Variants in TSPAN19 observed in about 807,000 individuals in gnomAD.
TSPAN19 encodes the protein tetraspanin 19, also known as tetraspanin-19.
A neutral mutation model predicts 35.1 loss-of-function variants in TSPAN19; 44 were observed. That is an observed-to-expected ratio of 1.25 (90% CI 0.98 to 1.61). The LOEUF is 1.61. Among genes scored for constraint, TSPAN19 ranks in the 40% most tolerant of loss-of-function variants. TSPAN19 has a pLI of 0.00. For missense variants in TSPAN19, 290 were observed against 280.0 expected (o/e 1.04, Z -0.26); for synonymous variants, 79 against 92.0 (o/e 0.86, Z 0.81).
At chr12:85,032,595 C>T (rs1186262212) in intron 1 of TSPAN19, among the ~76,000 whole-genome samples, 1 of 152,010 alleles carries the variant, frequency 6.6e-6, no homozygotes, top group African/African-American at 2.4e-5. Flanking sequence ...ATCCAAGCAA[C>T]GATTCAAAGA....
In TSPAN19 at chr12:85,029,965, T is replaced by C. The variant is rs7962577; in HGVS notation, c.-19A>G. 0.51 allele frequency: 717,416 copies of C among 1,409,806 alleles called. 188,303 individuals are homozygous for C. Among genetic ancestry groups the C allele is most frequent in the African/African-American group, 0.82 (55,865 of 68,128 alleles). The allele number at this position is 1,409,806 out of a possible 1,614,324, so 87.3% of individuals were successfully genotyped here. On this transcript the variant is annotated 5_prime_UTR_variant, in exon 2 of 9. Transcript: ENST00000532498. ...TTAACATTCTTTTTCTTCCAAGATATTGATGATTCTGAAAAGACAACCATA... is the reference window on the plus strand; with the variant it reads ...TTAACATTCTTTTTCTTCCAAGATACTGATGATTCTGAAAAGACAACCATA...
At chr12:85,031,522 A>G (rs1377887325) in intron 1 of TSPAN19, among the ~76,000 whole-genome samples, 19 of 152,218 alleles carry the variant, frequency 1.2e-4, no homozygotes. Context: ...TTGAGTGTTG[A>G]TGTGGTAATA....
At chr12:85,028,106 T>C in intron 3 of TSPAN19, 83 bp from the exon 4 acceptor site, 1 of 1,192,110 alleles carries the variant, frequency 8.4e-7, no homozygotes, top group Non-Finnish European at 1.1e-6. Flanking sequence ...TAAGAATAAT[T>C]GCAGCAATCA....
At chr12:85,023,305 A>G (rs1877218882) in intron 5 of TSPAN19, 21 bp downstream of exon 5, 1 of 1,554,260 alleles carries the variant, frequency 6.4e-7, no homozygotes. Flanking sequence ...GGATGTATTG[A>G]AAAGGATTTA....
intron 1 of TSPAN19, among the ~76,000 whole-genome samples, chr12:85,035,530 A>G (rs1227972898): frequency 9.2e-5 from 14 of 152,118 alleles, no homozygotes; most frequent in Admixed American, 9.2e-4. Flanking sequence ...TATTGTTACC[A>G]GGAAATGTAG....
intron 4 of TSPAN19, among the ~76,000 whole-genome samples, chr12:85,023,911 C>T (rs73379716): frequency 0.017 from 2,602 of 151,952 alleles, 69 homozygotes; most frequent in African/African-American, 0.058. Flanking sequence ...ATTTATTAGA[C>T]TATTTAATTT....
intron 1 of TSPAN19, chr12:85,035,030 A>T (rs1877887876): frequency 6.6e-6 from 1 of 152,214 alleles, no homozygotes; most frequent in Non-Finnish European, 1.5e-5. Flanking sequence ...ATAGTTTCAC[A>T]ATCAAAAATA....
intron 4 of TSPAN19, among the ~76,000 whole-genome samples, chr12:85,027,660 T>C (rs1485073434): frequency 6.6e-6 from 1 of 152,132 alleles, no homozygotes; most frequent in African/African-American, 2.4e-5. Context: ...ATTGACTCTG[T>C]GTTGAAAATT....
intron 7 of TSPAN19, chr12:85,017,223 A>G (rs1592658228): frequency 2.4e-6 from 1 of 416,866 alleles, no homozygotes; most frequent in Non-Finnish European, 4.2e-6. Context: ...CCAAGTTCCA[A>G]GAATACATAA....
chr12:85,022,082 T>C (rs1347575523), intron 5 of TSPAN19, among the ~76,000 whole-genome samples: 1 of 152,132 alleles, frequency 6.6e-6, no homozygotes, highest in African/African-American at 2.4e-5. Context: ...ATAGCTCTTA[T>C]GTGTCATATT....
intron 3 of TSPAN19, among the ~76,000 whole-genome samples, chr12:85,028,856 T>C (rs934035871): frequency 6.6e-6 from 1 of 152,146 alleles, no homozygotes; most frequent in Non-Finnish European, 1.5e-5. Context: ...GGCATACTAC[T>C]GGGAACAGAG....
rs747908512 is a variant in TSPAN19 at position 85,023,356 on chromosome 12, A to G, written c.309T>C (p.Leu103=). ...CTTTCTTTGTGATGATGAATGCTGAAAGTACAACCTGAACAGCAAAGGTCC... is the reference window on the plus strand; with the variant it reads ...CTTTCTTTGTGATGATGAATGCTGAGAGTACAACCTGAACAGCAAAGGTCC... ...ITWTFAVQVV[L]SAFIITKKEE... is the part of the protein sequence containing the mutation. Residue 103 remains leucine, a synonymous_variant, in exon 5 of 9, where the codon CTT becomes CTC. Transcript: ENST00000532498. 1.3e-6 allele frequency: 2 copies of G among 1,589,148 alleles called. No homozygotes were observed. The highest frequency in any genetic ancestry group is 2.3e-5 in the South Asian group (2 of 86,788).
intron 4 of TSPAN19, chr12:85,024,754 T>A (rs1877308573): frequency 6.7e-6 from 1 of 148,630 alleles, no homozygotes; most frequent in African/African-American, 2.5e-5. Flanking sequence ...TCCAGCCTAG[T>A]GACAGAGCGA....
intron 1 of TSPAN19, among the ~76,000 whole-genome samples, chr12:85,031,076 T>C (rs1336706666): frequency 6.6e-6 from 1 of 152,146 alleles, no homozygotes; most frequent in African/African-American, 2.4e-5. Context: ...GATGTCTACA[T>C]TAGTCTATGT....
chr12:85,020,562 G>C (rs1877065518), intron 5 of TSPAN19, among the ~76,000 whole-genome samples: 1 of 151,940 alleles, frequency 6.6e-6, no homozygotes, highest in Non-Finnish European at 1.5e-5. Context: ...AACTGCAGAA[G>C]CAGGAAGGTC....
intron 1 of TSPAN19, among the ~76,000 whole-genome samples, chr12:85,033,305 T>G (rs1565771261): frequency 6.6e-6 from 1 of 151,876 alleles, no homozygotes; most frequent in African/African-American, 2.4e-5. Flanking sequence ...GCTAAAGAAG[T>G]AGACTCAGTA....
chr12:85,034,782 T>C (rs1187015470), intron 1 of TSPAN19, among the ~76,000 whole-genome samples: 2 of 152,204 alleles, frequency 1.3e-5, no homozygotes, highest in East Asian at 3.9e-4. Context: ...ATTGATAAAG[T>C]TGTCCTTTCT....
intron 1 of TSPAN19, among the ~76,000 whole-genome samples, chr12:85,032,861 T>C (rs1254924234): frequency 6.6e-6 from 1 of 152,152 alleles, no homozygotes; most frequent in African/African-American, 2.4e-5. Context: ...TTTTGTTCAG[T>C]TCCTGATTAG....
rs778570741 is a variant in TSPAN19 at position 85,017,524 on chromosome 12, A to C, written c.526T>G (p.Cys176Gly). ...KNKENSGQVPCSCTKSTLRKW... is the reference protein window; with the variant it reads ...KNKENSGQVPGSCTKSTLRKW... ...CTTAAAGTTGACTTTGTGCAAGAACATGGCACCTGTCCTGAATTTTCTTTG... is the reference window on the plus strand; with the variant it reads ...CTTAAAGTTGACTTTGTGCAAGAACCTGGCACCTGTCCTGAATTTTCTTTG... Residue 176 changes from cysteine (C) to glycine (G), a missense_variant, in exon 7 of 9, where the codon TGT becomes GGT. Cys to Gly is a radical substitution (Grantham distance 159). Coordinates refer to ENST00000532498, the MANE Select transcript of TSPAN19 (RefSeq NM_001100917.2). 2 of 1,604,858 alleles carry C rather than the reference A, an allele frequency of 1.2e-6. No homozygotes were observed. Among genetic ancestry groups the C allele is most frequent in the South Asian group, 2.2e-5 (2 of 89,720 alleles).
Sources: gnomAD v4.1 joint callset for allele counts (sites outside exome capture counted in the v4.1 genomes callset) on GRCh38, gnomAD v4.1.1 for gene constraint, MANE v1.5 for transcripts, NCBI Gene and HGNC (gene_info 2026-07-23, HGNC 2026-07-21) for gene names.